Variants in ANXA4 observed in about 807,000 individuals in gnomAD.
ANXA4 encodes the protein annexin A4, also known as 35-beta calcimedin.
Under a neutral mutation model 49.8 loss-of-function variants are expected in ANXA4, and 39 were observed. That is an observed-to-expected ratio of 0.78 (90% CI 0.61 to 1.02). The LOEUF (loss-of-function observed/expected upper bound fraction) is 1.02. ANXA4 is among the 50% of genes least tolerant of loss of function. ANXA4 has a pLI of 0.00. For synonymous variants in ANXA4, 134 were observed against 152.5 expected (o/e 0.88, Z 0.89); for missense variants, 360 against 410.1 (o/e 0.88, Z 1.05).
Position 69,805,046 on chromosome 2 carries a change from C to CAAAAAAAAAAAA in ANXA4, c.192+434_192+445dup, listed in dbSNP as rs60172949. 1.4e-4 allele frequency among the ~76,000 whole-genome samples: 5 copies of CAAAAAAAAAAAA among 35,876 alleles called. 1 individual carries two copies. Among genetic ancestry groups the CAAAAAAAAAAAA allele is most frequent in the African/African-American group, 3.9e-4 (5 of 12,926 alleles). 23.5% of individuals were successfully genotyped at this position (35,876 alleles called of 152,430 possible). On this transcript the variant is annotated intron_variant, in intron 4 of 12. Transcript: ENST00000394295. ...TGGGCAACAGAGACAGACTCCATCT[C>CAAAAAAAAAAAA]AAAAAAAAAAAAAAAAAAAAAAAAA...
At chr2:69,793,038 G>A (rs1672762871) in intron 3 of ANXA4, among the ~76,000 whole-genome samples, 1 of 151,268 alleles carries the variant, frequency 6.6e-6, no homozygotes, top group Non-Finnish European at 1.5e-5. Context: ...CGGATCACGA[G>A]GTCAGGAGAT....
chr2:69,720,482 G>A (rs1466975142), intron 2 of ANXA4, among the ~76,000 whole-genome samples: 1 of 152,222 alleles, frequency 6.6e-6, no homozygotes, highest in Non-Finnish European at 1.5e-5. Context: ...GGGAAGAAGT[G>A]AGGATGGAGG....
At chr2:69,816,252 T>A (rs1673988537) in intron 9 of ANXA4, 58 bp downstream of exon 9, 1 of 1,421,286 alleles carries the variant, frequency 7.0e-7, no homozygotes, top group Non-Finnish European at 9.9e-7. Context: ...AAAACTATAT[T>A]GCCCATAAGT....
At chr2:69,824,879 T>C (rs1674394978) in intron 12 of ANXA4, among the ~76,000 whole-genome samples, 1 of 151,984 alleles carries the variant, frequency 6.6e-6, no homozygotes. Context: ...CTGGCTAACA[T>C]GGTGAAACCC....
chr2:69,644,625 A>G (rs1177775857), exon 1 of ANXA4: 1 of 152,142 alleles, frequency 6.6e-6, no homozygotes, highest in Non-Finnish European at 1.5e-5. Flanking sequence ...ATCCTAGGAT[A>G]CCGGAGACCC....
At chr2:69,679,851 T>C (rs958968421) in intron 2 of ANXA4, among the ~76,000 whole-genome samples, 17 of 152,210 alleles carry the variant, frequency 1.1e-4, no homozygotes, top group African/African-American at 4.1e-4. Flanking sequence ...CTGTGTTCTG[T>C]GGTCTATGTG....
At chr2:69,738,053 A>G (rs1158808773), upstream of ANXA4, among the ~76,000 whole-genome samples, 1 of 152,200 alleles carries the variant, frequency 6.6e-6, no homozygotes, top group Non-Finnish European at 1.5e-5. Context: ...GTCTCATGCA[A>G]TATTTGGACA....
chr2:69,653,853 G>C (rs184869118), intron 2 of ANXA4, among the ~76,000 whole-genome samples: 1 of 152,172 alleles, frequency 6.6e-6, no homozygotes, highest in East Asian at 1.9e-4. Context: ...GGATAACATT[G>C]GATCTATACA....
intron 2 of ANXA4, among the ~76,000 whole-genome samples, chr2:69,693,213 G>A (rs561493580): frequency 2.0e-5 from 3 of 152,218 alleles, no homozygotes; most frequent in African/African-American, 7.2e-5. Flanking sequence ...AATGCAGTTC[G>A]GAAGAACATA....
chr2:69,808,306 A>C (rs1388370172), intron 6 of ANXA4: 2 of 306,468 alleles, frequency 6.5e-6, no homozygotes, highest in African/African-American at 4.4e-5. Flanking sequence ...AAGTGGTGGC[A>C]CCAGCAGATC....
At chr2:69,756,239 T>G (rs988137281) in intron 1 of ANXA4, among the ~76,000 whole-genome samples, 2 of 152,232 alleles carry the variant, frequency 1.3e-5, no homozygotes, top group Non-Finnish European at 2.9e-5. Flanking sequence ...CTTTCTTTAA[T>G]TGAATCCTAA....
chr2:69,742,694 A>G (rs1670447208), intron 1 of ANXA4, among the ~76,000 whole-genome samples: 1 of 152,192 alleles, frequency 6.6e-6, no homozygotes, highest in African/African-American at 2.4e-5. Context: ...TATAGGGTCC[A>G]TGACTTGAGT....
intron 3 of ANXA4, among the ~76,000 whole-genome samples, chr2:69,725,082 C>T (rs976814700): frequency 4.6e-5 from 7 of 152,160 alleles, no homozygotes; most frequent in Non-Finnish European, 1.0e-4. Context: ...GATGTTTAAA[C>T]CCAGGAGACG....
chr2:69,670,493 G>T (rs373697931), intron 2 of ANXA4, among the ~76,000 whole-genome samples: 2 of 150,174 alleles, frequency 1.3e-5, no homozygotes, highest in Non-Finnish European at 3.0e-5. Flanking sequence ...TAGAGATGGC[G>T]ACTGGTCCAC....
intron 2 of ANXA4, among the ~76,000 whole-genome samples, chr2:69,663,149 C>A (rs972803111): frequency 1.3e-5 from 2 of 148,934 alleles, no homozygotes; most frequent in Admixed American, 1.4e-4. Flanking sequence ...CCCACCACCA[C>A]GCCCAGCTAT....
At position 69,807,951 on chromosome 2, in the gene ANXA4, C is replaced by T. The variant is rs757621829; in HGVS notation, c.352C>T (p.Arg118Trp). Residue 118 changes from arginine to tryptophan, a missense_variant, in exon 6 of 13, where the codon CGG (arginine) becomes TGG (tryptophan). Physicochemically the swap from Arg to Trp is moderately radical, Grantham distance 101. Transcript: ENST00000394295. Reference sequence around the variant, plus strand: ...CTGCCTAATTGAGATCCTGGCCTCCCGGACCCCTGAGGAGATCCGGCGCAT... The same window carrying T: ...CTGCCTAATTGAGATCCTGGCCTCCTGGACCCCTGAGGAGATCCGGCGCAT... ...EGCLIEILAS[R>W]TPEEIRRISQ... 1.1e-5 allele frequency: 18 copies of T among 1,614,006 alleles called. No homozygotes were observed. Among genetic ancestry groups the T allele is most frequent in the East Asian group, 8.9e-5 (4 of 44,890 alleles).
intron 2 of ANXA4, among the ~76,000 whole-genome samples, chr2:69,694,614 A>C (rs906399618): frequency 6.9e-6 from 1 of 145,378 alleles, no homozygotes; most frequent in Non-Finnish European, 1.5e-5. Context: ...ATGAGTGAGA[A>C]CATGTGGTGT....
At chr2:69,704,216 TAA>T (rs1384068160) in intron 2 of ANXA4, among the ~76,000 whole-genome samples, 3 of 152,236 alleles carry the variant, frequency 2.0e-5, no homozygotes, top group African/African-American at 7.2e-5. Context: ...TATTTCTAGT[TAA>T]GTTTATTTTC....
chr2:69,764,715 T>G (rs1457047866), intron 1 of ANXA4, among the ~76,000 whole-genome samples: 1 of 152,226 alleles, frequency 6.6e-6, no homozygotes, highest in Non-Finnish European at 1.5e-5. Context: ...TTTTACCATC[T>G]TAAACATTCT....
Sources: gnomAD v4.1 joint callset for allele counts (sites outside exome capture counted in the v4.1 genomes callset) on GRCh38, gnomAD v4.1.1 for gene constraint, MANE v1.5 for transcripts, NCBI Gene and HGNC (gene_info 2026-07-23, HGNC 2026-07-21) for gene names.